Variants in SSBP2 observed in about 807,000 individuals in gnomAD.
The protein encoded by SSBP2 is single stranded DNA binding protein 2, also known as single-stranded DNA-binding protein 2.
SSBP2 carries 17 observed loss-of-function variants against 61.8 expected under a neutral mutation model. The ratio of observed to expected loss-of-function variants is 0.28; its 90% CI spans 0.19 to 0.41. The LOEUF is 0.41. Ranked by LOEUF, SSBP2 falls within the 10% of genes least tolerant of loss-of-function variation. SSBP2 has a pLI of 1.00. For synonymous variants in SSBP2, 139 were observed against 141.3 expected (o/e 0.98, Z 0.12); for missense variants, 310 against 458.7 (o/e 0.68, Z 2.96).
intron 4 of SSBP2, among the ~76,000 whole-genome samples, chr5:81,578,782 A>T (rs1328969135): frequency 1.3e-5 from 2 of 149,554 alleles, no homozygotes; most frequent in Non-Finnish European, 3.0e-5. Flanking sequence ...AGATCTCTTC[A>T]TTTTTTTTTT....
At chr5:81,432,135 T>A (rs1762328273) in intron 15 of SSBP2, among the ~76,000 whole-genome samples, 1 of 152,152 alleles carries the variant, frequency 6.6e-6, no homozygotes, top group African/African-American at 2.4e-5. Flanking sequence ...TTGACTCTGC[T>A]AGCTCCCTCA....
chr5:81,595,887 C>T (rs1188425356), intron 4 of SSBP2, among the ~76,000 whole-genome samples: 3 of 152,056 alleles, frequency 2.0e-5, no homozygotes, highest in Non-Finnish European at 4.4e-5. Flanking sequence ...ACTGAATGGG[C>T]AAAACCCTAT....
chr5:81,751,184 A>C, upstream of SSBP2: 1 of 877,806 alleles, frequency 1.1e-6, no homozygotes, highest in East Asian at 2.7e-5. Context: ...CCCTTCGCCC[A>C]GGCAACGCGC....
intron 2 of SSBP2, among the ~76,000 whole-genome samples, chr5:81,646,133 G>C (rs537033523): frequency 6.6e-6 from 1 of 151,968 alleles, no homozygotes; most frequent in African/African-American, 2.4e-5. Flanking sequence ...TGGCCTTCTC[G>C]CAACTTCACC....
At chr5:81,666,067 T>C (rs1180121611) in intron 1 of SSBP2, among the ~76,000 whole-genome samples, 4 of 152,120 alleles carry the variant, frequency 2.6e-5, no homozygotes, top group African/African-American at 9.7e-5. Context: ...GTTAAGGAGG[T>C]GTGAAAAATT....
intron 5 of SSBP2, among the ~76,000 whole-genome samples, chr5:81,505,449 T>C (rs1459821233): frequency 1.3e-5 from 2 of 152,220 alleles, no homozygotes; most frequent in Admixed American, 1.3e-4. Context: ...TAATTAATAG[T>C]ATATTTAAAT....
intron 10 of SSBP2, among the ~76,000 whole-genome samples, chr5:81,454,911 T>C (rs1764028452): frequency 6.6e-6 from 1 of 151,988 alleles, no homozygotes; most frequent in South Asian, 2.1e-4. Context: ...AATTAGCTGA[T>C]AGAGAAGGGG....
chr5:81,503,410 C>T (rs893735593), intron 5 of SSBP2, among the ~76,000 whole-genome samples: 7 of 152,074 alleles, frequency 4.6e-5, no homozygotes, highest in South Asian at 4.1e-4. Context: ...GCTGAGATCA[C>T]GCCACTGCAC....
chr5:81,598,688 C>A (rs938050258), intron 4 of SSBP2, among the ~76,000 whole-genome samples: 1 of 152,144 alleles, frequency 6.6e-6, no homozygotes, highest in Non-Finnish European at 1.5e-5. Context: ...TATCTGTTCC[C>A]ATTTGCCCTG....
At chr5:81,630,475 T>C (rs921161589) in intron 3 of SSBP2, among the ~76,000 whole-genome samples, 3 of 152,124 alleles carry the variant, frequency 2.0e-5, no homozygotes, top group African/African-American at 7.2e-5. Flanking sequence ...TTTATATAGA[T>C]GAAGGAGGCA....
At chr5:81,727,227 C>T (rs2153983647) in intron 1 of SSBP2, among the ~76,000 whole-genome samples, 1 of 152,334 alleles carries the variant, frequency 6.6e-6, no homozygotes, top group Middle Eastern at 3.4e-3. Context: ...CTACTAACTT[C>T]ACAACATTGT....
At chr5:81,710,306 T>C (rs556235211) in intron 1 of SSBP2, among the ~76,000 whole-genome samples, 2 of 152,114 alleles carry the variant, frequency 1.3e-5, no homozygotes, top group Admixed American at 6.5e-5. Context: ...CAGTGTTTTC[T>C]GATGTTCTAT....
chr5:81,443,657 G>A (rs13160388), intron 12 of SSBP2, among the ~76,000 whole-genome samples: 31,942 of 152,102 alleles, frequency 0.21, 4,343 homozygotes, highest in Middle Eastern at 0.33. Context: ...CCGCCTCCCG[G>A]GTTCAAGCGA....
intron 4 of SSBP2, among the ~76,000 whole-genome samples, chr5:81,604,190 G>A (rs1280571925): frequency 6.6e-6 from 1 of 151,640 alleles, no homozygotes. Flanking sequence ...ATTTACATGA[G>A]ATAAAAGGTT....
chr5:81,482,916 T>C (rs11949541), intron 6 of SSBP2, among the ~76,000 whole-genome samples: 19,265 of 152,168 alleles, frequency 0.13, 2,807 homozygotes, highest in African/African-American at 0.35. Flanking sequence ...TGATTTAAAG[T>C]GAGCGATGTG....
chr5:81,709,656 G>T (rs1561715595), intron 1 of SSBP2, among the ~76,000 whole-genome samples: 1 of 151,476 alleles, frequency 6.6e-6, no homozygotes. Context: ...ATATAGAAAG[G>T]AAAAAACAGT....
chr5:81,726,272 C>T (rs1285805373), intron 1 of SSBP2, among the ~76,000 whole-genome samples: 2 of 152,172 alleles, frequency 1.3e-5, no homozygotes, highest in African/African-American at 2.4e-5. Flanking sequence ...TCCGGGACCA[C>T]ATAGGAGATG....
intron 4 of SSBP2, among the ~76,000 whole-genome samples, chr5:81,572,598 T>A (rs1179852298): frequency 1.3e-5 from 2 of 152,152 alleles, no homozygotes; most frequent in Non-Finnish European, 2.9e-5. Context: ...GTTAATGTGT[T>A]TTGGAACTGA....
At chr5:81,540,779 G>A (rs1771205184) in intron 4 of SSBP2, among the ~76,000 whole-genome samples, 1 of 151,998 alleles carries the variant, frequency 6.6e-6, no homozygotes, top group Admixed American at 6.6e-5. Context: ...TCACTTTATT[G>A]TGGTGCTCTG....
Sources: gnomAD v4.1 joint callset for allele counts (sites outside exome capture counted in the v4.1 genomes callset) on GRCh38, gnomAD v4.1.1 for gene constraint, MANE v1.5 for transcripts, NCBI Gene and HGNC (gene_info 2026-07-23, HGNC 2026-07-21) for gene names.